RAD52: variants seen among roughly 807,000 people sequenced by gnomAD.
The protein encoded by RAD52 is RAD52 DNA repair protein.
RAD52 carries 47 observed loss-of-function variants against 55.5 expected under a neutral mutation model. The observed-to-expected ratio is 0.85, with a 90% CI of 0.67 to 1.08. RAD52 has a LOEUF of 1.08. RAD52 is among the 50% of genes least tolerant of loss of function. The probability of loss-of-function intolerance (pLI) is 0.00; values close to 1 mark genes in which losing one functional copy is unlikely to be tolerated. For synonymous variants in RAD52, 184 were observed against 198.9 expected (o/e 0.92, Z 0.63); for missense variants, 468 against 522.8 (o/e 0.90, Z 1.02).
intron 1 of RAD52, among the ~76,000 whole-genome samples, chr12:971,834 G>A (rs900962452): frequency 1.9e-4 from 28 of 150,858 alleles, no homozygotes; most frequent in Admixed American, 1.1e-3. Context: ...TGCAGGCTCC[G>A]CCCCCCGGGG....
intron 1 of RAD52, among the ~76,000 whole-genome samples, chr12:965,586 G>A (rs1169160710): frequency 1.3e-5 from 2 of 151,998 alleles, no homozygotes; most frequent in Non-Finnish European, 2.9e-5. Context: ...ATAAGAGACT[G>A]TATTTCCCTA....
chr12:930,996 T>C (rs1480378853), intron 3 of RAD52, among the ~76,000 whole-genome samples: 1 of 148,176 alleles, frequency 6.7e-6, no homozygotes, highest in Non-Finnish European at 1.5e-5. Flanking sequence ...AAAAAGATGA[T>C]GTAAAAATCT....
chr12:972,722 C>G (rs925562830), intron 1 of RAD52, among the ~76,000 whole-genome samples: 2 of 145,664 alleles, frequency 1.4e-5, no homozygotes, highest in African/African-American at 2.6e-5. Flanking sequence ...GCTGAGATAG[C>G]ACCACTGCAC....
At chr12:973,171 A>G (rs2107648) in intron 1 of RAD52, among the ~76,000 whole-genome samples, 20,512 of 151,454 alleles carry the variant, frequency 0.14, 2,399 homozygotes, top group African/African-American at 0.32. Flanking sequence ...CCGGGTTGAC[A>G]CCATTCTCCT....
intron 9 of RAD52, among the ~76,000 whole-genome samples, chr12:915,716 TTTTGTTTTG>T (rs982475495): frequency 8.9e-4 from 46 of 51,800 alleles, no homozygotes; most frequent in Admixed American, 3.8e-3. Context: ...CTTGTTTTTT[TTTTGTTTTG>T]TTTTTGTTTT....
At chr12:943,203 A>C (rs1260453941) in intron 1 of RAD52, among the ~76,000 whole-genome samples, 1 of 152,172 alleles carries the variant, frequency 6.6e-6, no homozygotes, top group Non-Finnish European at 1.5e-5. Flanking sequence ...TGGAACTCTC[A>C]TACACTGTTG....
At chr12:938,822 G>A (rs1957765017) in intron 1 of RAD52, among the ~76,000 whole-genome samples, 1 of 152,134 alleles carries the variant, frequency 6.6e-6, no homozygotes, top group Non-Finnish European at 1.5e-5. Flanking sequence ...ATCTGATGAT[G>A]GGATGAATAT....
chr12:913,791 G>T, intron 11 of RAD52, 103 bp downstream of exon 11: 1 of 1,097,324 alleles, frequency 9.1e-7, no homozygotes, highest in South Asian at 1.4e-5. Flanking sequence ...AGAAGTTCCC[G>T]ATTCTATCAA....
intron 9 of RAD52, among the ~76,000 whole-genome samples, chr12:915,261 C>A (rs534059384): frequency 6.6e-6 from 1 of 152,196 alleles, no homozygotes; most frequent in Non-Finnish European, 1.5e-5. Context: ...ACAATCTACC[C>A]GGGAGCTTCT....
chr12:988,548 G>A (rs1049021488), intron 1 of RAD52, among the ~76,000 whole-genome samples: 3 of 152,114 alleles, frequency 2.0e-5, no homozygotes, highest in East Asian at 3.8e-4. Context: ...TAAAGAAAAC[G>A]GGTTTGTTTA....
Position 930,124 on chromosome 12 carries a change from A to G in RAD52, c.207T>C (p.His69=), listed in dbSNP as rs759883177. 1 of 1,613,872 alleles carries G rather than the reference A, an allele frequency of 6.2e-7. No homozygotes were observed. The highest frequency in any genetic ancestry group is 8.5e-7 in the Non-Finnish European group (1 of 1,179,762). Reference sequence around the variant, plus strand: ...TCTCATTGGCCAGATTAATTACCCGATGACCCTCAATGTAGCACACCTAGA... The same window carrying G: ...TCTCATTGGCCAGATTAATTACCCGGTGACCCTCAATGTAGCACACCTAGA... ...GGQKVCYIEG[H]RVINLANEMF... Residue 69 remains histidine (H), a synonymous_variant, in exon 4 of 12, where the codon CAT becomes CAC. Coordinates refer to ENST00000358495, the MANE Select transcript of RAD52 (RefSeq NM_134424.4).
At chr12:959,771 G>A (rs1262938394) in intron 1 of RAD52, among the ~76,000 whole-genome samples, 1 of 152,114 alleles carries the variant, frequency 6.6e-6, no homozygotes, top group East Asian at 1.9e-4. Flanking sequence ...CTAGTTAAAG[G>A]TGAGTTGGAA....
intron 1 of RAD52, among the ~76,000 whole-genome samples, chr12:986,806 C>T (rs148212032): frequency 1.2e-4 from 17 of 147,212 alleles, no homozygotes; most frequent in Admixed American, 1.1e-3. Context: ...CTTTTCCGGG[C>T]GTTTTCTCTC....
intron 1 of RAD52, among the ~76,000 whole-genome samples, chr12:973,933 G>A (rs773314683): frequency 1.6e-4 from 25 of 151,834 alleles, no homozygotes; most frequent in African/African-American, 6.1e-4. Flanking sequence ...CCACAGGCAC[G>A]TACCACCACA....
In RAD52 at chr12:932,830, A is replaced by ACTGCCCCCGCACGCACCGCGTC. The variant is rs1565673147; in HGVS notation, c.84+144_84+145insGACGCGGTGCGTGCGGGGGCAG. ...GGTACTGCTCACACACGTACTAGGT[A>ACTGCCCCCGCACGCACCGCGTC]AACGTACTAGGTACTGCTCACACAC... is the stretch of plus-strand genomic sequence containing the variant. On this transcript the variant is annotated intron_variant, in intron 2 of 11. Transcript: ENST00000358495. 2.2e-4 allele frequency: 45 copies of ACTGCCCCCGCACGCACCGCGTC among 206,154 alleles called. 6 individuals carry two copies. Among genetic ancestry groups the ACTGCCCCCGCACGCACCGCGTC allele is most frequent in the Middle Eastern group, 1.3e-3 (1 of 800 alleles). 12.8% of individuals were successfully genotyped at this position (206,154 alleles called of 1,614,324 possible). A position where few individuals can be genotyped will look rare whatever the true frequency, so the allele number is the denominator to read the frequency against.
chr12:922,020 T>C (rs904847274), intron 7 of RAD52, among the ~76,000 whole-genome samples: 3 of 151,488 alleles, frequency 2.0e-5, no homozygotes, highest in Admixed American at 6.6e-5. Flanking sequence ...ACAGGAGAAT[T>C]GTTTGAACCC....
In RAD52 at chr12:964,032, C is replaced by T. The variant is rs187819992; in HGVS notation, c.-19+25777G>A. Among the ~76,000 whole-genome samples the T allele has an allele frequency of 1.4e-3, 207 of 151,970 alleles. 4 individuals are homozygous for T. The highest frequency in any genetic ancestry group is 4.6e-3 in the African/African-American group (189 of 41,432). ...ACAGCATGGAGCACGTCTGGAGTGTCGGAGGTACAACATGAGTAGGAAATG... is the reference window on the plus strand; with the variant it reads ...ACAGCATGGAGCACGTCTGGAGTGTTGGAGGTACAACATGAGTAGGAAATG... On this transcript the variant is annotated intron_variant, in intron 1 of 11. Transcript: ENST00000430095.
chr12:927,557 A>G (rs536176676), intron 5 of RAD52, among the ~76,000 whole-genome samples: 2 of 152,238 alleles, frequency 1.3e-5, no homozygotes, highest in South Asian at 2.1e-4. Context: ...GCATCACCCT[A>G]AGGTAAAAAA....
intron 6 of RAD52, among the ~76,000 whole-genome samples, chr12:925,989 C>A (rs1471112326): frequency 6.6e-6 from 1 of 152,112 alleles, no homozygotes; most frequent in Non-Finnish European, 1.5e-5. Flanking sequence ...ATAGGTTTTT[C>A]TGGTTCAATT....
Sources: gnomAD v4.1 joint callset for allele counts (sites outside exome capture counted in the v4.1 genomes callset) on GRCh38, gnomAD v4.1.1 for gene constraint, MANE v1.5 for transcripts, NCBI Gene and HGNC (gene_info 2026-07-23, HGNC 2026-07-21) for gene names.